Variants in CCSER1 observed in about 807,000 individuals in gnomAD.
CCSER1 encodes coiled-coil serine rich protein 1.
CCSER1 carries 41 observed loss-of-function variants against 82.0 expected under a neutral mutation model. That is an observed-to-expected ratio of 0.50 (90% CI 0.39 to 0.65). The LOEUF (loss-of-function observed/expected upper bound fraction) is 0.65, where lower values mean the gene tolerates loss of function less well. Among genes scored for constraint, CCSER1 ranks in the 30% least tolerant of loss-of-function variants. CCSER1 has a pLI of 0.00. For synonymous variants in CCSER1, 414 were observed against 383.9 expected (o/e 1.08, Z -0.92); for missense variants, 1,119 against 1,064.2 (o/e 1.05, Z -0.72).
At chr4:90,902,439 C>T (rs2150154450) in intron 8 of CCSER1, among the ~76,000 whole-genome samples, 1 of 152,082 alleles carries the variant, frequency 6.6e-6, no homozygotes, top group African/African-American at 2.4e-5. Flanking sequence ...TTTGTTTTTG[C>T]TATCATTTGG....
intron 5 of CCSER1, among the ~76,000 whole-genome samples, chr4:90,493,376 A>G (rs1768400210): frequency 6.6e-6 from 1 of 152,184 alleles, no homozygotes; most frequent in African/African-American, 2.4e-5. Flanking sequence ...CCAGCCTAGA[A>G]AGGCAGGCCA....
At chr4:90,579,518 T>C (rs973618113) in intron 5 of CCSER1, among the ~76,000 whole-genome samples, 1 of 152,192 alleles carries the variant, frequency 6.6e-6, no homozygotes, top group African/African-American at 2.4e-5. Flanking sequence ...ATTTAGACAA[T>C]TAACATATTA....
At chr4:90,416,311 C>T (rs1755780167) in intron 4 of CCSER1, among the ~76,000 whole-genome samples, 1 of 152,028 alleles carries the variant, frequency 6.6e-6, no homozygotes, top group African/African-American at 2.4e-5. Context: ...CAACTTAATC[C>T]TCACAATAAC....
intron 10 of CCSER1, among the ~76,000 whole-genome samples, chr4:91,168,291 G>T (rs562230468): frequency 3.7e-5 from 4 of 109,458 alleles, no homozygotes; most frequent in Non-Finnish European, 7.3e-5. Context: ...CTGCCCGGCC[G>T]CCCCTTCTGG....
rs1355842065 is a variant in CCSER1 at position 90,571,771 on chromosome 4, C to A, written c.1725-56254C>A. 5.9e-5 allele frequency among the ~76,000 whole-genome samples: 9 copies of A among 152,016 alleles called. 1 individual carries two copies. On this transcript the variant is annotated intron_variant, in intron 5 of 10. Transcript: ENST00000509176. ...ATTAAAATAAATAACACAAAAAATGCAGTTTTCTTCCACTAGTCTCATCAT... is the reference window on the plus strand; with the variant it reads ...ATTAAAATAAATAACACAAAAAATGAAGTTTTCTTCCACTAGTCTCATCAT...
At chr4:90,368,266 T>C (rs903627017) in intron 3 of CCSER1, among the ~76,000 whole-genome samples, 3 of 151,890 alleles carry the variant, frequency 2.0e-5, no homozygotes, top group Admixed American at 1.3e-4. Context: ...CATGGACCCA[T>C]GAGCACTTAT....
At chr4:90,314,023 A>C (rs1352341392) in intron 3 of CCSER1, among the ~76,000 whole-genome samples, 2 of 152,188 alleles carry the variant, frequency 1.3e-5, no homozygotes. Flanking sequence ...GAGATCTGAT[A>C]ATTATTTTGT....
At chr4:91,159,749 C>G (rs1731188245) in intron 10 of CCSER1, among the ~76,000 whole-genome samples, 1 of 151,784 alleles carries the variant, frequency 6.6e-6, no homozygotes, top group African/African-American at 2.4e-5. Context: ...AACAGAATTT[C>G]AAATGCAACT....
intron 8 of CCSER1, among the ~76,000 whole-genome samples, chr4:90,904,535 C>T (rs1725154716): frequency 1.3e-5 from 2 of 152,066 alleles, no homozygotes; most frequent in Non-Finnish European, 2.9e-5. Flanking sequence ...AGGATCTGTT[C>T]CCTAAAAATC....
intron 4 of CCSER1, among the ~76,000 whole-genome samples, chr4:90,435,462 T>C (rs921335302): frequency 6.6e-6 from 1 of 152,130 alleles, no homozygotes; most frequent in Non-Finnish European, 1.5e-5. Flanking sequence ...AGAAACTAAA[T>C]GAATTAACTC....
intron 9 of CCSER1, among the ~76,000 whole-genome samples, chr4:91,000,146 T>C (rs1371257573): frequency 6.6e-6 from 1 of 152,060 alleles, no homozygotes; most frequent in Admixed American, 6.6e-5. Context: ...TTGGTCTATG[T>C]GTCTGTTTTT....
intron 7 of CCSER1, among the ~76,000 whole-genome samples, chr4:90,745,910 C>T (rs1393184135): frequency 6.6e-6 from 1 of 151,746 alleles, no homozygotes; most frequent in Non-Finnish European, 1.5e-5. Flanking sequence ...CCGTGTTAGC[C>T]AGGATGGCCT....
At chr4:91,377,801 G>T in intron 10 of CCSER1, among the ~76,000 whole-genome samples, 1 of 152,150 alleles carries the variant, frequency 6.6e-6, no homozygotes, top group Non-Finnish European at 1.5e-5. Flanking sequence ...TGCTTTTGGT[G>T]TTTTAGACAT....
intron 1 of CCSER1, among the ~76,000 whole-genome samples, chr4:90,255,820 T>A (rs1352786318): frequency 6.6e-6 from 1 of 152,176 alleles, no homozygotes; most frequent in Non-Finnish European, 1.5e-5. Context: ...AATGTTTATT[T>A]TCAGTGTTTG....
intron 8 of CCSER1, among the ~76,000 whole-genome samples, chr4:90,858,750 T>C (rs1764736925): frequency 1.3e-5 from 2 of 151,976 alleles, no homozygotes; most frequent in Non-Finnish European, 1.5e-5. Flanking sequence ...TATTTTATTA[T>C]GGCATTTGAT....
chr4:90,375,284 T>A (rs977831935), intron 3 of CCSER1, among the ~76,000 whole-genome samples: 7 of 152,268 alleles, frequency 4.6e-5, no homozygotes, highest in African/African-American at 1.7e-4. Flanking sequence ...ATCGGGTCTG[T>A]GTTGGATTTA....
chr4:91,576,687 T>C (rs1763467173), intron 10 of CCSER1, among the ~76,000 whole-genome samples: 1 of 151,966 alleles, frequency 6.6e-6, no homozygotes, highest in Non-Finnish European at 1.5e-5. Flanking sequence ...ATGAAATTCA[T>C]TTTTGTTTTT....
chr4:90,358,591 A>C (rs932768278), intron 3 of CCSER1, among the ~76,000 whole-genome samples: 1 of 152,198 alleles, frequency 6.6e-6, no homozygotes, highest in Non-Finnish European at 1.5e-5. Context: ...AGAAAAGATT[A>C]AATTGATATT....
At chr4:91,091,756 G>T (rs1411597397) in intron 10 of CCSER1, among the ~76,000 whole-genome samples, 1 of 152,114 alleles carries the variant, frequency 6.6e-6, no homozygotes, top group African/African-American at 2.4e-5. Flanking sequence ...ACAGCTGTGG[G>T]AGTGGTCAGG....
Sources: gnomAD v4.1 joint callset for allele counts (sites outside exome capture counted in the v4.1 genomes callset) on GRCh38, gnomAD v4.1.1 for gene constraint, MANE v1.5 for transcripts, NCBI Gene and HGNC (gene_info 2026-07-23, HGNC 2026-07-21) for gene names.